The following ZDHHC7 variants were observed in gnomAD, a reference collection of about 807,000 sequenced individuals.
The protein encoded by ZDHHC7 is palmitoyltransferase ZDHHC7.
Under a neutral mutation model 34.1 loss-of-function variants are expected in ZDHHC7, and 12 were observed. That is an observed-to-expected ratio of 0.35 (90% CI 0.23 to 0.57). The LOEUF (loss-of-function observed/expected upper bound fraction) is 0.57, where lower values mean the gene tolerates loss of function less well. Among genes scored for constraint, ZDHHC7 ranks in the 20% least tolerant of loss-of-function variants. The pLI, the probability that ZDHHC7 is intolerant of heterozygous loss-of-function variation, is 0.84. For missense variants in ZDHHC7, 388 were observed against 402.7 expected, an observed-to-expected ratio of 0.96 and a Z score of 0.31; for synonymous variants, 185 against 155.4, an observed-to-expected ratio of 1.19 and a Z score of -1.42.
intron 3 of ZDHHC7, among the ~76,000 whole-genome samples, chr16:84,984,774 G>A (rs1273704369): frequency 1.3e-5 from 2 of 152,098 alleles, no homozygotes; most frequent in Non-Finnish European, 2.9e-5. Context: ...GTTTCAAGGA[G>A]GGGTTCCTTC....
intron 3 of ZDHHC7, among the ~76,000 whole-genome samples, chr16:84,983,126 T>C (rs1242440710): frequency 6.6e-6 from 1 of 152,220 alleles, no homozygotes; most frequent in East Asian, 1.9e-4. Flanking sequence ...CCTCTTAGCC[T>C]GGATCCTGCA....
the ZDHHC7 span, among the ~76,000 whole-genome samples, chr16:85,018,784 G>C: frequency 6.6e-6 from 1 of 152,018 alleles, no homozygotes; most frequent in Non-Finnish European, 1.5e-5. Flanking sequence ...TGCTGGCAGG[G>C]AGAGAGAGAA....
At chr16:85,010,126 C>G (rs985880363) in intron 1 of ZDHHC7, among the ~76,000 whole-genome samples, 5 of 149,846 alleles carry the variant, frequency 3.3e-5, no homozygotes, top group African/African-American at 1.2e-4. Context: ...CTCAAGTGAT[C>G]CCCCCACCTC....
At chr16:84,981,288 G>T (rs1037196336) in intron 4 of ZDHHC7, among the ~76,000 whole-genome samples, 2 of 152,160 alleles carry the variant, frequency 1.3e-5, no homozygotes, top group Non-Finnish European at 2.9e-5. Context: ...ACTGGACTGT[G>T]GCTTTTAAAA....
At chr16:84,994,052 C>T (rs1408463324) in intron 2 of ZDHHC7, among the ~76,000 whole-genome samples, 2 of 152,194 alleles carry the variant, frequency 1.3e-5, no homozygotes, top group East Asian at 1.9e-4. Context: ...TCTCTGCCTC[C>T]GCTGAAGCCC....
rs1409761248 is a variant in ZDHHC7 at position 84,979,355 on chromosome 16, A to C, written c.441-70T>G. The C allele has an allele frequency of 5.2e-6, 8 of 1,547,920 alleles. No homozygotes were observed. The East Asian group carries it at 1.4e-4, about 27-fold the overall frequency. Reference sequence around the variant, plus strand: ...AACCAGAGTAACACAACCAAATAAAATCAAAGGTGGAGGAAAATTAGAATG... The same window carrying C: ...AACCAGAGTAACACAACCAAATAAACTCAAAGGTGGAGGAAAATTAGAATG... On this transcript the variant is annotated intron_variant, in intron 4 of 7. Coordinates refer to ENST00000313732, the MANE Select transcript of ZDHHC7 (RefSeq NM_017740.3).
chr16:84,991,726 C>T (rs1236359633), intron 2 of ZDHHC7, among the ~76,000 whole-genome samples: 1 of 151,376 alleles, frequency 6.6e-6, no homozygotes, highest in African/African-American at 2.4e-5. Context: ...TGCTCTGGAA[C>T]TCCTGGGCTC....
rs775445689 is a variant in ZDHHC7, at chr16:84,990,400, G to C, written c.219C>G (p.Ser73=). Residue 73 remains serine, a synonymous_variant, in exon 3 of 8, where the codon TCC becomes TCG. Transcript: ENST00000313732. ...TGACCACAGAGTACCAGAAGTCTTTGGAAGGCAGCAGCATGACGAAAGTCA... is the reference window on the plus strand; with the variant it reads ...TGACCACAGAGTACCAGAAGTCTTTCGAAGGCAGCAGCATGACGAAAGTCA... ...FVVTFVMLLP[S]KDFWYSVVNG... is the part of the protein sequence containing the mutation. 6.2e-7 allele frequency: 1 copy of C among 1,614,124 alleles called. No individual in the cohort carries two copies. The highest frequency in any genetic ancestry group is 8.5e-7 in the Non-Finnish European group (1 of 1,180,020).
At chr16:85,018,739 T>A in the ZDHHC7 span, among the ~76,000 whole-genome samples, 5 of 151,984 alleles carry the variant, frequency 3.3e-5, no homozygotes, top group Non-Finnish European at 5.9e-5. Context: ...CATGAGCCAC[T>A]GCGCCCAGCT....
the ZDHHC7 span, among the ~76,000 whole-genome samples, chr16:85,025,122 A>G: frequency 6.6e-6 from 1 of 152,122 alleles, no homozygotes; most frequent in East Asian, 1.9e-4. Context: ...TACTAAAAAT[A>G]CAAAAATTAG....
chr16:85,006,976 G>C (rs947205841), intron 1 of ZDHHC7, among the ~76,000 whole-genome samples: 1 of 151,806 alleles, frequency 6.6e-6, no homozygotes, highest in Non-Finnish European at 1.5e-5. Flanking sequence ...TCACCAAACA[G>C]TTTTCAAGCA....
intron 1 of ZDHHC7, among the ~76,000 whole-genome samples, chr16:84,998,647 C>T (rs1044572811): frequency 6.6e-6 from 1 of 152,130 alleles, no homozygotes; most frequent in African/African-American, 2.4e-5. Context: ...TGCAAGATCC[C>T]TCAGGGGTCG....
At chr16:84,976,858 G>A (rs1200013128) in intron 7 of ZDHHC7, among the ~76,000 whole-genome samples, 1 of 152,222 alleles carries the variant, frequency 6.6e-6, no homozygotes, top group African/African-American at 2.4e-5. Context: ...TTTACTGACT[G>A]CACTGGGAGC....
At chr16:84,984,745 C>T (rs1170410675) in intron 3 of ZDHHC7, among the ~76,000 whole-genome samples, 5 of 152,260 alleles carry the variant, frequency 3.3e-5, no homozygotes, top group East Asian at 1.9e-4. Flanking sequence ...AAACTCTTCA[C>T]GGGCATGGTG....
chr16:85,003,347 G>T (rs778748628), intron 1 of ZDHHC7, among the ~76,000 whole-genome samples: 1 of 152,200 alleles, frequency 6.6e-6, no homozygotes, highest in African/African-American at 2.4e-5. Flanking sequence ...GGATGAGTCA[G>T]GGAACCTGAG....
rs1167088112 is a variant in ZDHHC7, at chr16:84,984,046, G to GT, written c.316-2053dup. ...TTTTTTTTCTTTTTGTTGAAACAGA[G>GT]TTTTGCTCTGTTGCCCAGGCTGGAG... On this transcript the variant is annotated intron_variant, in intron 3 of 7. Transcript: ENST00000313732. Among the ~76,000 whole-genome samples the GT allele has an allele frequency of 1.1e-4, 15 of 141,436 alleles. No individual in the cohort carries two copies. The South Asian group carries it at 3.3e-3, about 31-fold the overall frequency. 92.8% of individuals were successfully genotyped at this position (141,436 alleles called of 152,430 possible). A position where few individuals can be genotyped will look rare whatever the true frequency, so the allele number is the denominator to read the frequency against.
At chr16:84,977,316 C>G (rs978585384) in intron 6 of ZDHHC7, 91 bp from the exon 7 acceptor site, 7 of 1,507,338 alleles carry the variant, frequency 4.6e-6, no homozygotes, top group Non-Finnish European at 6.3e-6. Flanking sequence ...AGGGCCAGCC[C>G]CTGGCCAGCT....
chr16:84,994,013 TC>T (rs2072543170), intron 2 of ZDHHC7, among the ~76,000 whole-genome samples: 1 of 152,196 alleles, frequency 6.6e-6, no homozygotes, highest in Non-Finnish European at 1.5e-5. Context: ...AGCCTGACTG[TC>T]AGGGGGCTGA....
chr16:84,983,917 G>A (rs535213472), intron 3 of ZDHHC7, among the ~76,000 whole-genome samples: 7 of 150,562 alleles, frequency 4.6e-5, no homozygotes, highest in African/African-American at 9.8e-5. Flanking sequence ...CAGAGCACCC[G>A]GGAGGTGGAA....
Sources: gnomAD v4.1 joint callset for allele counts (sites outside exome capture counted in the v4.1 genomes callset) on GRCh38, gnomAD v4.1.1 for gene constraint, MANE v1.5 for transcripts, NCBI Gene and HGNC (gene_info 2026-07-23, HGNC 2026-07-21) for gene names.